AKR1C2: variants seen among roughly 807,000 people sequenced by gnomAD.
AKR1C2 encodes 3-alpha-HSD3.
In AKR1C2, 27 loss-of-function variants were observed where a neutral mutation model predicts 39.8. The observed-to-expected ratio is 0.68, with a 90% CI of 0.50 to 0.93. The LOEUF is 0.93. AKR1C2 is among the 40% of genes least tolerant of loss of function. The probability of loss-of-function intolerance (pLI) is 0.00; values close to 1 mark genes in which losing one functional copy is unlikely to be tolerated. For synonymous variants in AKR1C2, 114 were observed against 137.9 expected (o/e 0.83, Z 1.22); for missense variants, 263 against 365.1 (o/e 0.72, Z 2.28).
At chr10:5,014,209 CT>C (rs1453146083) in intron 1 of AKR1C2, among the ~76,000 whole-genome samples, 3 of 150,602 alleles carry the variant, frequency 2.0e-5, no homozygotes, top group East Asian at 1.9e-4. Context: ...TTAGTTTCTG[CT>C]TTTAATTTAT....
rs376722478 is a variant in AKR1C2, at chr10:5,009,321, C to T, written c.-87-5399G>A. On this transcript the variant is annotated intron_variant, in intron 1 of 6. Coordinates refer to the AKR1C2 transcript ENST00000604507. The stretch of plus-strand genomic sequence containing the variant: ...CAATTGCACCGAGCACTTTTTGAGA[C>T]GTCTGCCTTGTCTGCACTGTTTGTT... 2.0e-4 allele frequency among the ~76,000 whole-genome samples: 30 copies of T among 152,148 alleles called. No individual in the cohort carries two copies. In the South Asian group the frequency reaches 5.0e-3, roughly 25 times the overall value.
At chr10:5,005,146 A>G (rs539172875), upstream of AKR1C2, among the ~76,000 whole-genome samples, 108 of 152,168 alleles carry the variant, frequency 7.1e-4, no homozygotes, top group African/African-American at 1.7e-3. Flanking sequence ...ACTGGGATGC[A>G]AAATTTCATA....
upstream of AKR1C2, among the ~76,000 whole-genome samples, chr10:5,007,904 T>G: frequency 6.6e-6 from 1 of 151,416 alleles, no homozygotes. Context: ...ATGCAAGTCA[T>G]AAAGCCGACA....
chr10:4,991,243 T>G (rs1348682929), intron 8 of AKR1C2, among the ~76,000 whole-genome samples: 1 of 151,536 alleles, frequency 6.6e-6, no homozygotes, highest in African/African-American at 2.5e-5. Flanking sequence ...TCCTATTCGC[T>G]CCACTAAGAC....
intron 5 of AKR1C2, among the ~76,000 whole-genome samples, chr10:4,996,627 G>T (rs1837058332): frequency 6.7e-6 from 1 of 150,206 alleles, no homozygotes; most frequent in Admixed American, 6.6e-5. Context: ...AAGAATCCGT[G>T]AGTCTGTAGC....
chr10:5,016,908 G>T (rs537199309), intron 1 of AKR1C2, among the ~76,000 whole-genome samples: 11 of 152,302 alleles, frequency 7.2e-5, no homozygotes, highest in African/African-American at 2.6e-4. Context: ...AAAACTACAT[G>T]GAAGTCACCA....
At chr10:5,016,193 T>G (rs1837636176) in intron 1 of AKR1C2, among the ~76,000 whole-genome samples, 2 of 152,162 alleles carry the variant, frequency 1.3e-5, no homozygotes, top group African/African-American at 4.8e-5. Flanking sequence ...CCAAAGATAA[T>G]TATGCCTTCC....
chr10:5,002,998 A>G (rs1588306559), intron 1 of AKR1C2, among the ~76,000 whole-genome samples: 2 of 152,202 alleles, frequency 1.3e-5, no homozygotes, highest in African/African-American at 4.8e-5. Context: ...CTATTCACAC[A>G]CATTGTATTC....
chr10:4,990,721 G>T (rs11252869), intron 8 of AKR1C2, among the ~76,000 whole-genome samples: 82 of 151,584 alleles, frequency 5.4e-4, no homozygotes, highest in Admixed American at 9.9e-4. Flanking sequence ...TGATTACACC[G>T]AGAGCAAACA....
At chr10:5,005,077 T>C (rs1466299146), upstream of AKR1C2, among the ~76,000 whole-genome samples, 3 of 151,778 alleles carry the variant, frequency 2.0e-5, no homozygotes, top group Non-Finnish European at 2.9e-5. Context: ...ATACAGATGT[T>C]ATAGGCAAAA....
chr10:5,009,144 C>T (rs1837468123), intron 1 of AKR1C2, among the ~76,000 whole-genome samples: 1 of 152,106 alleles, frequency 6.6e-6, no homozygotes, highest in South Asian at 2.1e-4. Flanking sequence ...ACAGAGATGC[C>T]TAAAGCAATA....
At position 4,989,287 on chromosome 10, in the gene AKR1C2, G is replaced by A. The variant is rs1836758395; in HGVS notation, c.*709C>T. Reference sequence around the variant, plus strand: ...GCTGTGGGGTTTGTTAAAACAATGTGGAAAGTTTTCTTTTATGAACAAGAT... The same window carrying A: ...GCTGTGGGGTTTGTTAAAACAATGTAGAAAGTTTTCTTTTATGAACAAGAT... On this transcript the variant is annotated 3_prime_UTR_variant, in exon 9 of 9. Coordinates refer to ENST00000380753, the MANE Select transcript of AKR1C2 (RefSeq NM_001393392.1). The A allele has an allele frequency of 6.6e-6, 1 of 152,064 alleles. No individual in the cohort carries two copies. Among genetic ancestry groups the A allele is most frequent in the South Asian group, 2.1e-4 (1 of 4,816 alleles). 9.4% of individuals were successfully genotyped at this position (152,064 alleles called of 1,614,324 possible).
At chr10:5,013,243 T>C (rs576728856) in intron 1 of AKR1C2, 15 of 151,878 alleles carry the variant, frequency 9.9e-5, no homozygotes, top group Admixed American at 6.6e-5. Context: ...CTAAATTACA[T>C]TATTTAATTC....
intron 5 of AKR1C2, chr10:4,996,219 G>A (rs1266668618): frequency 3.7e-4 from 79 of 215,102 alleles, no homozygotes; most frequent in African/African-American, 1.8e-3. Context: ...CATGAGGGCA[G>A]GTCTGAAAAA....
chr10:5,012,430 C>A (rs543541165), intron 1 of AKR1C2, among the ~76,000 whole-genome samples: 2 of 151,338 alleles, frequency 1.3e-5, no homozygotes, highest in Non-Finnish European at 2.9e-5. Context: ...TCTGGATGGG[C>A]AATGTCATCT....
At chr10:5,002,981 C>G (rs1327739031) in intron 1 of AKR1C2, among the ~76,000 whole-genome samples, 1 of 152,188 alleles carries the variant, frequency 6.6e-6, no homozygotes, top group Non-Finnish European at 1.5e-5. Context: ...TTTTATATAA[C>G]TAGTTCCTAT....
chr10:5,007,458 C>T (rs1383695841), upstream of AKR1C2: 8 of 151,956 alleles, frequency 5.3e-5, no homozygotes, highest in African/African-American at 1.9e-4. Flanking sequence ...ACATTGATTT[C>T]AGAGTGGATG....
At chr10:4,994,117 C>T (rs1426928722) in intron 7 of AKR1C2, among the ~76,000 whole-genome samples, 2 of 151,222 alleles carry the variant, frequency 1.3e-5, no homozygotes, top group Non-Finnish European at 2.9e-5. Context: ...TGATATATGT[C>T]ATATATATGA....
rs539875800 is a variant in AKR1C2, at chr10:4,999,050, C to A, written c.447+150G>T. 8 of 1,563,582 alleles carry A rather than the reference C, an allele frequency of 5.1e-6. No homozygotes were observed. In the East Asian group the frequency reaches 1.6e-4, roughly 31 times the overall value. On this transcript the variant is annotated intron_variant, in intron 4 of 8. Coordinates refer to ENST00000380753, the MANE Select transcript of AKR1C2 (RefSeq NM_001393392.1). The stretch of plus-strand genomic sequence containing the variant: ...TCTCTCTTTTGTATGCCTGTCATTT[C>A]TTTTTCCTCGCTGCTCACAAAAACT...
Sources: allele counts gnomAD v4.1 joint callset (sites outside exome capture counted in the v4.1 genomes callset), GRCh38; gene constraint gnomAD v4.1.1; transcripts MANE v1.5; gene names NCBI Gene and HGNC (gene_info 2026-07-23, HGNC 2026-07-21).